The following HECTD4 variants were observed in gnomAD, a reference collection of about 807,000 sequenced individuals.
The protein encoded by HECTD4 is probable E3 ubiquitin-protein ligase HECTD4.
Under a neutral mutation model 471.5 loss-of-function variants are expected in HECTD4, and 114 were observed. The observed-to-expected ratio is 0.24, with a 90% confidence interval of 0.21 to 0.28. HECTD4 has a LOEUF of 0.28. Ranked by LOEUF, HECTD4 falls within the 10% of genes least tolerant of loss-of-function variation. HECTD4 has a pLI of 1.00. For missense variants in HECTD4, 3,866 were observed against 5,651.5 expected (o/e 0.68, Z 10.13); for synonymous variants, 2,012 against 2,256.0 (o/e 0.89, Z 3.07).
rs747606994 is a variant in HECTD4 at position 112,184,897 on chromosome 12, C to A, written c.10069G>T (p.Ala3357Ser). ...CGGAGGATGATGAGCAGGGTGAGTG[C>A]GCGGTGGAACCACAGCATGTCCTCG... ...KPEDMLWFHR[A>S]LTLLIILRHL... Residue 3357 changes from alanine to serine, a missense_variant, in exon 61 of 76, where the codon GCA (alanine) becomes TCA (serine). This residue lies in a region of HECTD4 where 71 missense variants were observed against 144.5 expected (regional missense o/e 0.49). Coordinates refer to ENST00000682272, the MANE Select transcript of HECTD4 (RefSeq NM_001388303.1). This position sits in a 1 kb window ranked among gnomAD's most constrained non-coding sequence, Gnocchi z 9.1. 1 of 1,612,598 alleles carries A rather than the reference C, an allele frequency of 6.2e-7. No homozygotes were observed. Among genetic ancestry groups the A allele is most frequent in the South Asian group, 1.1e-5 (1 of 90,914 alleles).
intron 1 of HECTD4, among the ~76,000 whole-genome samples, chr12:112,341,567 C>T (rs1774398067): frequency 1.3e-5 from 2 of 152,156 alleles, no homozygotes; most frequent in South Asian, 4.1e-4. Flanking sequence ...AATTAAAACT[C>T]CCTGGAAACC....
intron 29 of HECTD4, among the ~76,000 whole-genome samples, chr12:112,246,050 T>A (rs1660318598): frequency 1.3e-5 from 2 of 151,910 alleles, no homozygotes; most frequent in African/African-American, 4.8e-5. Flanking sequence ...GAGAATCGCT[T>A]GAACCCAGGA....
chr12:112,194,971 C>T lies in HECTD4; in HGVS notation c.8663G>A (p.Arg2888His), dbSNP rs186329035. 77 of 1,611,106 alleles carry T rather than the reference C, an allele frequency of 4.8e-5. No individual in the cohort carries two copies. The highest frequency in any genetic ancestry group is 1.6e-4 in the African/African-American group (12 of 74,978). Residue 2888 changes from arginine to histidine, a missense_variant, in exon 56 of 76, where the codon CGC becomes CAC. Arg to His is a conservative substitution (Grantham distance 29). Around this residue, in one of 16 missense-constraint regions of HECTD4, gnomAD observed 266 missense variants for 441.6 expected, o/e 0.60. Transcript: ENST00000682272. The surrounding 1 kb of genome is among the most constrained non-coding windows in gnomAD (Gnocchi z 4.6). ...FAPKLPHLFT[R>H]LFHIPAIRDI... ...CCGGATGGCAGGGATGTGGAAGAGG[C>T]GAGTGAACAAGTGAGGCAACTTCGG... is the stretch of plus-strand genomic sequence containing the variant.
chr12:112,269,000 G>A (rs1221175495), intron 13 of HECTD4, among the ~76,000 whole-genome samples: 7 of 142,758 alleles, frequency 4.9e-5, no homozygotes, highest in Non-Finnish European at 7.5e-5. Flanking sequence ...TCAGCCTCCC[G>A]TGTAGCTGGG....
At chr12:112,318,183 T>C (rs2035520937) in intron 2 of HECTD4, among the ~76,000 whole-genome samples, 1 of 151,506 alleles carries the variant, frequency 6.6e-6, no homozygotes, top group Admixed American at 6.6e-5. Flanking sequence ...GAGAATCACT[T>C]GAATCCGGGA....
chr12:112,205,974 G>C (rs1329627698), intron 52 of HECTD4, among the ~76,000 whole-genome samples: 1 of 152,158 alleles, frequency 6.6e-6, no homozygotes, highest in Non-Finnish European at 1.5e-5. Flanking sequence ...AAAGAGAGAA[G>C]GCTATATGAG....
intron 1 of HECTD4, among the ~76,000 whole-genome samples, chr12:112,335,878 T>C (rs1039325337): frequency 2.6e-4 from 39 of 152,222 alleles, no homozygotes; most frequent in African/African-American, 9.4e-4. Context: ...CAAACAATCA[T>C]TGTTTTGCAA....
chr12:112,374,087 A>G (rs1426913708), intron 1 of HECTD4, among the ~76,000 whole-genome samples: 1 of 151,692 alleles, frequency 6.6e-6, no homozygotes, highest in African/African-American at 2.4e-5. Context: ...CTGTATTCCC[A>G]GCACTTTGGG....
chr12:112,294,487 T>A (rs1461615579), intron 7 of HECTD4, among the ~76,000 whole-genome samples: 1 of 152,210 alleles, frequency 6.6e-6, no homozygotes, highest in African/African-American at 2.4e-5. Context: ...TAAAATCTAT[T>A]CAATAACTTA....
At chr12:112,164,383 G>A (rs560687679) in intron 72 of HECTD4, 108 bp from the exon 73 acceptor site, 9 of 1,194,976 alleles carry the variant, frequency 7.5e-6, no homozygotes, top group South Asian at 2.9e-5. Context: ...GTCTACCCTC[G>A]GCCGTGTAGA....
chr12:112,256,577 A>C lies in HECTD4; in HGVS notation c.3129-59T>G. On this transcript the variant is annotated intron_variant, in intron 20 of 75. Transcript: ENST00000682272. ...CAGCCAAGGAAAGGAAAAACAATGT[A>C]AACATTAAATTGCTCTTTAATTTTC... 4.0e-6 allele frequency: 5 copies of C among 1,246,364 alleles called. No homozygotes were observed. The South Asian group carries it at 9.4e-5, about 23-fold the overall frequency. The allele number at this position is 1,246,364 out of a possible 1,614,324, so 77.2% of individuals were successfully genotyped here. A position where few individuals can be genotyped will look rare whatever the true frequency, so the allele number is the denominator to read the frequency against.
At chr12:112,332,503 T>C (rs1594051989) in intron 1 of HECTD4, among the ~76,000 whole-genome samples, 1 of 138,982 alleles carries the variant, frequency 7.2e-6, no homozygotes, top group Non-Finnish European at 1.5e-5. Flanking sequence ...ATTGTGCCAC[T>C]GCACTCCAGC....
At position 112,203,770 on chromosome 12, in the gene HECTD4, G is replaced by C; in HGVS notation, c.8272C>G (p.Leu2758Val). 1 of 1,597,740 alleles carries C rather than the reference G, an allele frequency of 6.3e-7. No individual in the cohort carries two copies. Among genetic ancestry groups the C allele is most frequent in the South Asian group, 1.1e-5 (1 of 89,044 alleles). ...TCTGGAGAGCGGGTTACTACTGTGA[G>C]ACCTGAGGAGTGTAGAGGGAGAAGT... ...KFTIDKVRKG[L>V]TVVTRSPDSN... Residue 2758 changes from leucine (L) to valine (V), a missense_variant and splice_region_variant, in exon 54 of 76, where the codon CTC (leucine) becomes GTC (valine). Transcript: ENST00000682272.
intron 7 of HECTD4, among the ~76,000 whole-genome samples, chr12:112,298,791 A>C (rs1425602921): frequency 3.3e-5 from 5 of 151,592 alleles, no homozygotes. Context: ...CTGAGGCGGG[A>C]GAATCACTTG....
chr12:112,278,356 A>G (rs1485805877), intron 9 of HECTD4, among the ~76,000 whole-genome samples: 2 of 152,208 alleles, frequency 1.3e-5, no homozygotes, highest in South Asian at 2.1e-4. Context: ...TTATATTTCA[A>G]TAAAGCCACC....
At chr12:112,280,696 T>C (rs559704144) in intron 8 of HECTD4, among the ~76,000 whole-genome samples, 7 of 152,242 alleles carry the variant, frequency 4.6e-5, no homozygotes, top group Admixed American at 3.9e-4. Flanking sequence ...TTAGCAACTT[T>C]GTGAGTATAC....
intron 44 of HECTD4, among the ~76,000 whole-genome samples, chr12:112,224,820 G>T (rs2033190671): frequency 6.6e-6 from 1 of 152,038 alleles, no homozygotes; most frequent in Non-Finnish European, 1.5e-5. Context: ...TCACAATTAA[G>T]ACCTCTTTAT....
chr12:112,191,142 C>T (rs575367787), intron 59 of HECTD4, among the ~76,000 whole-genome samples, 177 bp from the exon 60 acceptor site: 8 of 152,312 alleles, frequency 5.3e-5, no homozygotes, highest in South Asian at 2.1e-4. Flanking sequence ...TGCAGGGACA[C>T]GAGGAGATGG....
chr12:112,228,777 A>C lies in HECTD4; in HGVS notation c.6554T>G (p.Val2185Gly). ...TTCCTGTTCATTGATAGAAGCCACT[A>C]CTCCAATGCTTCCTGAAATTCCTCT... ...LGRGISGSIG[V>G]VASINEQEGI... Residue 2185 changes from valine (V) to glycine (G), a missense_variant, in exon 42 of 76, where the codon GTA becomes GGA. By Grantham distance (109) the Val-to-Gly change is moderately radical. This residue lies in a region of HECTD4 where 617 missense variants were observed against 915.1 expected (regional missense o/e 0.67). Coordinates refer to ENST00000682272, the MANE Select transcript of HECTD4 (RefSeq NM_001388303.1). This position sits in a 1 kb window ranked among gnomAD's most constrained non-coding sequence, Gnocchi z 4.9. 6.2e-7 allele frequency: 1 copy of C among 1,613,512 alleles called. No homozygotes were observed. Among genetic ancestry groups the C allele is most frequent in the Non-Finnish European group, 8.5e-7 (1 of 1,179,752 alleles).
Sources: gnomAD v4.1 joint callset for allele counts (sites outside exome capture counted in the v4.1 genomes callset) on GRCh38, gnomAD v4.1.1 for gene constraint, gnomAD v4.1.1 regional missense constraint, Gnocchi (gnomAD v3.1) non-coding constraint, MANE v1.5 for transcripts, NCBI Gene and HGNC (gene_info 2026-07-23, HGNC 2026-07-21) for gene names.